Variants in PLAC1 observed in about 807,000 individuals in gnomAD.
The protein encoded by PLAC1 is placenta associated 1.
For missense variants in PLAC1, 136 were observed against 163.2 expected, an observed-to-expected ratio of 0.83 and a Z score of 0.91; for synonymous variants, 68 against 62.1, an observed-to-expected ratio of 1.09 and a Z score of -0.44.
chrX:134,625,905 A>G (rs760416345), intron 1 of PLAC1, among the ~76,000 whole-genome samples: 1 of 110,598 alleles, frequency 9.0e-6, no homozygotes, highest in African/African-American at 3.3e-5. Flanking sequence ...ACCTCATCCA[A>G]CTGGCTGAAA....
intron 1 of PLAC1, among the ~76,000 whole-genome samples, chrX:134,644,638 G>A (rs188175771): frequency 3.8e-5 from 4 of 105,518 alleles, no homozygotes; most frequent in East Asian, 3.0e-4. Flanking sequence ...GTTCCTCTCC[G>A]TGTGTCCATG....
intron 2 of PLAC1, among the ~76,000 whole-genome samples, chrX:134,584,253 T>C (rs1284883816): frequency 2.7e-5 from 3 of 111,651 alleles, no homozygotes; most frequent in Non-Finnish European, 5.6e-5. Context: ...CTCACCACTT[T>C]GGGGTCAGAG....
chrX:134,618,711 C>G (rs753200092), intron 1 of PLAC1, among the ~76,000 whole-genome samples: 1 of 112,027 alleles, frequency 8.9e-6, no homozygotes, highest in African/African-American at 3.2e-5. Context: ...CCACCATGCC[C>G]AGCCTCATCA....
intron 2 of PLAC1, among the ~76,000 whole-genome samples, chrX:134,705,211 GAGTTCAAGACC>G (rs1188120651): frequency 9.4e-6 from 1 of 106,555 alleles, no homozygotes; most frequent in Non-Finnish European, 1.9e-5. Flanking sequence ...ATGAGGTCAG[GAGTTCAAGACC>G]AGCCTGGCCA....
chrX:134,577,550 G>A (rs113455107), intron 2 of PLAC1, among the ~76,000 whole-genome samples: 5,105 of 111,630 alleles, frequency 0.046, 140 homozygotes, highest in Non-Finnish European at 0.074. Flanking sequence ...TTAGCTGGGC[G>A]TGGTGGCGCA....
chrX:134,574,094 A>T (rs751134274), intron 2 of PLAC1, among the ~76,000 whole-genome samples: 2,198 of 106,352 alleles, frequency 0.021, 28 homozygotes, highest in Non-Finnish European at 0.03. Context: ...TCTCTCTCAC[A>T]CACACACACA....
chrX:134,675,876 T>C (rs1304076044), intron 2 of PLAC1, among the ~76,000 whole-genome samples: 1 of 111,180 alleles, frequency 9.0e-6, no homozygotes, highest in Non-Finnish European at 1.9e-5. Context: ...TGAGCGAGGC[T>C]AGAGTAGCCC....
chrX:134,691,149 G>T (rs1244630999), intron 2 of PLAC1, among the ~76,000 whole-genome samples: 1 of 97,444 alleles, frequency 1.0e-5, no homozygotes, highest in Non-Finnish European at 2.0e-5. Context: ...TCTGTAAAAT[G>T]GGGGTAATAC....
chrX:134,714,608 C>T (rs753737958), intron 2 of PLAC1, among the ~76,000 whole-genome samples: 3 of 111,536 alleles, frequency 2.7e-5, no homozygotes, highest in South Asian at 7.6e-4. Context: ...TTCATCTTCT[C>T]GGATAGAAAC....
At chrX:134,715,976 C>T (rs2078642240) in intron 2 of PLAC1, among the ~76,000 whole-genome samples, 1 of 112,970 alleles carries the variant, frequency 8.9e-6, no homozygotes, top group Non-Finnish European at 1.9e-5. Flanking sequence ...CACTCTGACA[C>T]TGCCCCAAAG....
chrX:134,566,511 C>T lies in PLAC1; in HGVS notation c.172G>A (p.Gly58Ser). 1 of 1,211,524 alleles carries T rather than the reference C, an allele frequency of 8.3e-7. No individual in the cohort carries two copies. The highest frequency in any genetic ancestry group is 1.1e-6 in the Non-Finnish European group (1 of 895,294). Residue 58 changes from glycine to serine, a missense_variant, in exon 3 of 3, where the codon GGC (glycine) becomes AGC (serine). Physicochemically the swap from Gly to Ser is moderately conservative, Grantham distance 56. Coordinates refer to ENST00000359237, the MANE Select transcript of PLAC1 (RefSeq NM_021796.4). ...ACATGGTTTGGGGGGCAACCCAGGC[C>T]CAAGTGTAGTTCATGAAAGTGTACA... ...VCVHFHELHLGLGCPPNHVQP... is the reference protein window; with the variant it reads ...VCVHFHELHLSLGCPPNHVQP...
intron 1 of PLAC1, among the ~76,000 whole-genome samples, chrX:134,744,870 C>A (rs1358964966): frequency 1.8e-5 from 2 of 111,715 alleles, no homozygotes; most frequent in Non-Finnish European, 3.8e-5. Flanking sequence ...CCTGGAAAGA[C>A]ACATACTCCT....
At chrX:134,609,104 T>C (rs1043527872) in intron 1 of PLAC1, among the ~76,000 whole-genome samples, 9 of 110,716 alleles carry the variant, frequency 8.1e-5, no homozygotes, top group African/African-American at 3.0e-4. Context: ...TCTCAAAGTG[T>C]TAGGATTATA....
chrX:134,603,197 T>TGAGGAGTGGGACTGGGGATGGG (rs2078096841), intron 1 of PLAC1, among the ~76,000 whole-genome samples: 2 of 91,299 alleles, frequency 2.2e-5, no homozygotes, highest in Admixed American at 1.3e-4. Flanking sequence ...TGGTTGCCTC[T>TGAGGAGTGGGACTGGGGATGGG]GAGGAGTGGG....
intron 1 of PLAC1, among the ~76,000 whole-genome samples, chrX:134,750,434 C>A (rs2078738250): frequency 9.1e-6 from 1 of 110,342 alleles, no homozygotes; most frequent in African/African-American, 3.3e-5. Context: ...ATGAGCTTGA[C>A]AATTCGGTTG....
intron 1 of PLAC1, among the ~76,000 whole-genome samples, chrX:134,615,796 T>C (rs2078176350): frequency 9.0e-6 from 1 of 111,566 alleles, no homozygotes; most frequent in Non-Finnish European, 1.9e-5. Context: ...TGAATGTGGA[T>C]ATCCAGTTTT....
intron 2 of PLAC1, among the ~76,000 whole-genome samples, chrX:134,726,882 C>A (rs1179825556): frequency 9.3e-6 from 1 of 107,837 alleles, no homozygotes; most frequent in East Asian, 2.9e-4. Flanking sequence ...GGGCAAACTA[C>A]CCGTTGCTCT....
chrX:134,583,880 G>A (rs1289727833), intron 2 of PLAC1, among the ~76,000 whole-genome samples: 2 of 111,144 alleles, frequency 1.8e-5, no homozygotes, highest in Non-Finnish European at 3.8e-5. Flanking sequence ...ATTATGGGGA[G>A]AGAGAGAAGG....
chrX:134,639,860 A>G (rs1436474237), intron 1 of PLAC1, among the ~76,000 whole-genome samples: 1 of 112,252 alleles, frequency 8.9e-6, no homozygotes, highest in African/African-American at 3.2e-5. Context: ...CCTTTAGCAT[A>G]ATGTTTTCAA....
Sources: gnomAD v4.1 joint callset for allele counts (sites outside exome capture counted in the v4.1 genomes callset) on GRCh38, gnomAD v4.1.1 for gene constraint, MANE v1.5 for transcripts, NCBI Gene and HGNC (gene_info 2026-07-23, HGNC 2026-07-21) for gene names.